Variants in CHD7 observed in about 807,000 individuals in gnomAD.
CHD7 encodes chromodomain helicase DNA binding protein 7.
Under a neutral mutation model 307.3 loss-of-function variants are expected in CHD7, and 24 were observed. The observed-to-expected ratio is 0.08, with a 90% CI of 0.06 to 0.11. The LOEUF (loss-of-function observed/expected upper bound fraction) is 0.11, where lower values mean the gene tolerates loss of function less well. Among genes scored for constraint, CHD7 ranks in the 10% least tolerant of loss-of-function variants. The probability of loss-of-function intolerance (pLI) is 1.00; values close to 1 mark genes in which losing one functional copy is unlikely to be tolerated. For missense variants in CHD7, 3,106 were observed against 3,727.1 expected (o/e 0.83, Z 4.34); for synonymous variants, 1,363 against 1,349.9 (o/e 1.01, Z -0.21).
intron 1 of CHD7, among the ~76,000 whole-genome samples, chr8:60,686,512 G>A (rs977986840): frequency 1.3e-5 from 2 of 152,190 alleles, no homozygotes; most frequent in Non-Finnish European, 2.9e-5. Flanking sequence ...TAGAGGGGAT[G>A]CTTCTTTGGG....
intron 12 of CHD7, among the ~76,000 whole-genome samples, chr8:60,823,439 A>ATCTATCTATC: frequency 6.7e-6 from 1 of 148,760 alleles, no homozygotes; most frequent in African/African-American, 2.5e-5. Flanking sequence ...AGATAGATAG[A>ATCTATCTATC]TGTGTGTGTG....
At chr8:60,739,799 G>A (rs899238052) in intron 1 of CHD7, among the ~76,000 whole-genome samples, 2 of 152,224 alleles carry the variant, frequency 1.3e-5, no homozygotes, top group Non-Finnish European at 2.9e-5. Context: ...GTTCTCAGGA[G>A]TGTTGGTTAG....
At chr8:60,722,413 G>T (rs1053410636) in intron 1 of CHD7, among the ~76,000 whole-genome samples, 41 of 152,124 alleles carry the variant, frequency 2.7e-4, no homozygotes, top group Non-Finnish European at 7.4e-5. Context: ...TGTTGTACAA[G>T]TTTTAAATAT....
At chr8:60,765,217 ACACACACACACACG>A (rs1191481363) in intron 2 of CHD7, among the ~76,000 whole-genome samples, 2 of 151,494 alleles carry the variant, frequency 1.3e-5, no homozygotes, top group Non-Finnish European at 3.0e-5. Flanking sequence ...ACACACACAC[ACACACACACACACG>A]CACACGCATG....
intron 1 of CHD7, among the ~76,000 whole-genome samples, chr8:60,704,516 C>G (rs996295393): frequency 6.7e-6 from 1 of 148,178 alleles, no homozygotes; most frequent in South Asian, 2.1e-4. Flanking sequence ...GGTCTGTACC[C>G]CAAGAGCAAT....
intron 6 of CHD7, among the ~76,000 whole-genome samples, chr8:60,805,092 A>G (rs1329253818): frequency 6.6e-6 from 1 of 152,182 alleles, no homozygotes. Context: ...CTGTTGTAGA[A>G]TGGCTTCTGA....
chr8:60,745,274 A>G (rs7000766), intron 2 of CHD7, among the ~76,000 whole-genome samples: 124,561 of 152,186 alleles, frequency 0.82, 51,294 homozygotes, highest in East Asian at 0.94. Context: ...TCTCATTCCG[A>G]CATCCTCTGT....
chr8:60,863,557 A>T (rs1014625276), intron 37 of CHD7: 2 of 152,178 alleles, frequency 1.3e-5, no homozygotes, highest in Non-Finnish European at 2.9e-5. Flanking sequence ...TGGTGTGAAC[A>T]TAAGTTTTCA....
chr8:60,732,289 A>G (rs2150563590), intron 1 of CHD7, among the ~76,000 whole-genome samples: 1 of 152,334 alleles, frequency 6.6e-6, no homozygotes, highest in African/African-American at 2.4e-5. Context: ...GGAAATTGCC[A>G]AATCAGTTAG....
intron 7 of CHD7, among the ~76,000 whole-genome samples, chr8:60,814,078 A>G (rs1475115349): frequency 6.6e-6 from 1 of 152,160 alleles, no homozygotes. Context: ...ATAACTTTTA[A>G]AAAATATTTT....
chr8:60,862,375 C>G, intron 36 of CHD7, 39 bp downstream of exon 36: 1 of 1,573,434 alleles, frequency 6.4e-7, no homozygotes, highest in Non-Finnish European at 8.6e-7. Context: ...TATGCGATTT[C>G]TTAGCCCAGA....
rs1045266237 is a variant in CHD7 at position 60,742,020 on chromosome 8, G to A, written c.588G>A (p.Gly196=). The A allele has an allele frequency of 6.2e-7, 1 of 1,613,644 alleles. No homozygotes were observed. Among genetic ancestry groups the A allele is most frequent in the East Asian group, 2.2e-5 (1 of 44,884 alleles). ...AGATGGGCAGCTATATGGCACGTGGGGATTTTTCCATGCAGCAGCATGGTC... is the reference window on the plus strand; with the variant it reads ...AGATGGGCAGCTATATGGCACGTGGAGATTTTTCCATGCAGCAGCATGGTC... ...MQQMGSYMAR[G]DFSMQQHGQP... Residue 196 remains glycine, a synonymous_variant, in exon 2 of 38, where the codon GGG becomes GGA. Transcript: ENST00000423902.
intron 1 of CHD7, among the ~76,000 whole-genome samples, chr8:60,734,933 G>A (rs1198672120): frequency 6.6e-6 from 1 of 152,146 alleles, no homozygotes; most frequent in Non-Finnish European, 1.5e-5. Context: ...ACCAGAATTA[G>A]GAGAACTGAT....
intron 1 of CHD7, among the ~76,000 whole-genome samples, chr8:60,698,716 A>G (rs547874384): frequency 5.7e-4 from 87 of 152,350 alleles, no homozygotes; most frequent in African/African-American, 2.1e-3. Flanking sequence ...GAACATGGAA[A>G]TGAGCAGTGT....
In CHD7 at chr8:60,865,690, G is replaced by C. The variant is rs761033941; in HGVS notation, c.8751G>C (p.Thr2917=). The change falls in exon 38 of 38, where the codon ACG becomes ACC. Residue 2917 remains threonine (T), a synonymous_variant. Transcript: ENST00000423902. The surrounding 1 kb of genome is among the most constrained non-coding windows in gnomAD (Gnocchi z 4.3). ...MFLPPGLGGL[T]LPGFPALAGL... ...TACCTCCAGGACTGGGGGGATTGAC[G>C]CTGCCTGGGTTCCCAGCATTGGCAG... 1.9e-6 allele frequency: 3 copies of C among 1,605,444 alleles called. No homozygotes were observed. In the Admixed American group the frequency reaches 5.1e-5, roughly 27 times the overall value.
chr8:60,864,755 C>A, intron 37 of CHD7: 1 of 468,970 alleles, frequency 2.1e-6, no homozygotes, highest in South Asian at 2.7e-5. Flanking sequence ...TGTATGATTT[C>A]TTGAGTTAGT....
chr8:60,850,951 T>C, intron 26 of CHD7, 81 bp from the exon 27 acceptor site: 1 of 970,602 alleles, frequency 1.0e-6, no homozygotes, highest in Non-Finnish European at 1.5e-6. Context: ...CTGGGCAGAT[T>C]ATTACTCTTT....
intron 4 of CHD7, among the ~76,000 whole-genome samples, chr8:60,795,483 GTTGA>G (rs1811980769): frequency 1.3e-5 from 2 of 152,000 alleles, no homozygotes; most frequent in Admixed American, 6.6e-5. Context: ...CTAAAGTTTG[GTTGA>G]TTGTCACTTT....
chr8:60,742,240 G>C lies in CHD7; in HGVS notation c.808G>C (p.Ala270Pro). 6.2e-7 allele frequency: 1 copy of C among 1,613,784 alleles called. No homozygotes were observed. Among genetic ancestry groups the C allele is most frequent in the South Asian group, 1.1e-5 (1 of 91,072 alleles). Residue 270 changes from alanine (A) to proline (P), a missense_variant, in exon 2 of 38, where the codon GCC becomes CCC. By Grantham distance (27) the Ala-to-Pro change is conservative (BLOSUM62 -1). Transcript: ENST00000423902. ...TACTGCTCTCCATGGAGAATCCGTTGCCCACAGTCCCAGATTCTCCCCGAA... is the reference window on the plus strand; with the variant it reads ...TACTGCTCTCCATGGAGAATCCGTTCCCCACAGTCCCAGATTCTCCCCGAA... ...PSTALHGESVAHSPRFSPNPP... is the reference protein window; with the variant it reads ...PSTALHGESVPHSPRFSPNPP...
Sources: gnomAD v4.1 joint callset for allele counts (sites outside exome capture counted in the v4.1 genomes callset) on GRCh38, gnomAD v4.1.1 for gene constraint, Gnocchi (gnomAD v3.1) non-coding constraint, MANE v1.5 for transcripts, NCBI Gene and HGNC (gene_info 2026-07-23, HGNC 2026-07-21) for gene names.